Variants in PKD2L2 observed in about 807,000 individuals in gnomAD.
PKD2L2 encodes polycystin 2 like 2, transient receptor potential cation channel, also known as polycystin-2-like protein 2.
Under a neutral mutation model 83.9 loss-of-function variants are expected in PKD2L2, and 67 were observed. The observed-to-expected ratio is 0.80, with a 90% CI of 0.66 to 0.98. The LOEUF (loss-of-function observed/expected upper bound fraction) is 0.98. PKD2L2 is among the 50% of genes least tolerant of loss of function. The pLI is 0.00. For synonymous variants in PKD2L2, 223 were observed against 237.8 expected, an observed-to-expected ratio of 0.94 and a Z score of 0.57; for missense variants, 632 against 717.2, an observed-to-expected ratio of 0.88 and a Z score of 1.36.
chr5:137,926,332 T>C (rs1438245015), intron 12 of PKD2L2, among the ~76,000 whole-genome samples: 2 of 150,260 alleles, frequency 1.3e-5, no homozygotes, highest in African/African-American at 4.9e-5. Context: ...GGAACATATA[T>C]GTTCCTTAAA....
intron 12 of PKD2L2, among the ~76,000 whole-genome samples, chr5:137,928,539 C>T (rs1325108140): frequency 1.3e-5 from 2 of 152,318 alleles, no homozygotes; most frequent in East Asian, 3.9e-4. Flanking sequence ...TCAGGTGATC[C>T]TCCCACCTCA....
chr5:137,908,327 C>A (rs1262371564), intron 7 of PKD2L2, among the ~76,000 whole-genome samples: 1 of 151,992 alleles, frequency 6.6e-6, no homozygotes, highest in African/African-American at 2.4e-5. Context: ...GTGGCTCACG[C>A]CTGTAATCCC....
intron 12 of PKD2L2, among the ~76,000 whole-genome samples, chr5:137,929,235 G>A (rs138551319): frequency 0.014 from 2,118 of 152,168 alleles, 40 homozygotes; most frequent in African/African-American, 0.047. Flanking sequence ...GCTGAGGCGG[G>A]TGGATCACCT....
chr5:137,907,424 T>A (rs909154730), intron 6 of PKD2L2, among the ~76,000 whole-genome samples: 1 of 152,214 alleles, frequency 6.6e-6, no homozygotes, highest in Admixed American at 6.5e-5. Context: ...CTTTTAAGTA[T>A]TATGTAGAGC....
intron 14 of PKD2L2, among the ~76,000 whole-genome samples, chr5:137,941,451 T>TTG (rs2150104219): frequency 6.6e-6 from 1 of 152,308 alleles, no homozygotes; most frequent in South Asian, 2.1e-4. Context: ...AACTGTGCAT[T>TTG]ACCTAGTTAG....
intron 1 of PKD2L2, chr5:137,890,024 C>T (rs748423805): frequency 1.8e-4 from 29 of 160,782 alleles, no homozygotes; most frequent in Non-Finnish European, 3.2e-4. Flanking sequence ...GTGGCTCAAG[C>T]CTGTAATCCC....
chr5:137,907,101 T>C (rs887682870), intron 6 of PKD2L2, among the ~76,000 whole-genome samples: 1 of 152,192 alleles, frequency 6.6e-6, no homozygotes, highest in Non-Finnish European at 1.5e-5. Context: ...TGGCCCTTAA[T>C]TATAGCCAAT....
intron 8 of PKD2L2, among the ~76,000 whole-genome samples, chr5:137,912,741 T>C (rs1401735404): frequency 6.6e-6 from 1 of 152,030 alleles, no homozygotes; most frequent in African/African-American, 2.4e-5. Flanking sequence ...TGTGTCTTCT[T>C]TTGAGAAATG....
chr5:137,914,088 G>A (rs1168237113), intron 8 of PKD2L2, among the ~76,000 whole-genome samples: 8 of 127,164 alleles, frequency 6.3e-5, no homozygotes, highest in East Asian at 2.2e-4. Context: ...ACAAGGTTTC[G>A]CCATGTTGCC....
intron 12 of PKD2L2, among the ~76,000 whole-genome samples, chr5:137,929,594 T>C (rs900161334): frequency 4.6e-5 from 1 of 21,604 alleles, no homozygotes; most frequent in African/African-American, 2.1e-4. Flanking sequence ...AATATAAATA[T>C]AAAACAGTAT....
chr5:137,898,168 T>C (rs1756640583), intron 4 of PKD2L2, among the ~76,000 whole-genome samples: 1 of 152,060 alleles, frequency 6.6e-6, no homozygotes, highest in South Asian at 2.1e-4. Context: ...GGTTTCACCA[T>C]GTTGGCCAGG....
intron 8 of PKD2L2, among the ~76,000 whole-genome samples, chr5:137,916,998 T>A (rs549790839): frequency 2.0e-5 from 3 of 152,210 alleles, no homozygotes; most frequent in African/African-American, 7.2e-5. Flanking sequence ...TCCTTGGATG[T>A]TTAAATTCAT....
At chr5:137,909,313 G>A (rs1757616191) in intron 8 of PKD2L2, among the ~76,000 whole-genome samples, 1 of 152,024 alleles carries the variant, frequency 6.6e-6, no homozygotes, top group Non-Finnish European at 1.5e-5. Context: ...ACAGGCATGA[G>A]CCACCAGCCT....
chr5:137,936,931 C>G (rs922304117), intron 14 of PKD2L2, among the ~76,000 whole-genome samples: 3 of 152,320 alleles, frequency 2.0e-5, no homozygotes, highest in Admixed American at 2.0e-4. Context: ...TATACACACA[C>G]TGGTACAAAG....
intron 1 of PKD2L2, among the ~76,000 whole-genome samples, 158 bp downstream of exon 1, chr5:137,889,680 G>A (rs1220763875): frequency 1.3e-5 from 2 of 152,248 alleles, no homozygotes; most frequent in Non-Finnish European, 2.9e-5. Context: ...GGGACAGATG[G>A]TCCCATTGCA....
chr5:137,904,251 C>A (rs1206427209), intron 5 of PKD2L2, among the ~76,000 whole-genome samples: 1 of 152,114 alleles, frequency 6.6e-6, no homozygotes, highest in African/African-American at 2.4e-5. Context: ...AGGATTTGCT[C>A]TAGAATCAAA....
At chr5:137,898,096 A>G (rs1756632814) in intron 4 of PKD2L2, among the ~76,000 whole-genome samples, 1 of 151,850 alleles carries the variant, frequency 6.6e-6, no homozygotes, top group Non-Finnish European at 1.5e-5. Context: ...CCTCCCAAAT[A>G]GGTGGTATAA....
At chr5:137,927,917 C>A (rs886962594) in intron 12 of PKD2L2, among the ~76,000 whole-genome samples, 10 of 152,084 alleles carry the variant, frequency 6.6e-5, no homozygotes, top group African/African-American at 2.4e-4. Flanking sequence ...GTAATCCCAG[C>A]ACTTTGGGAG....
intron 1 of PKD2L2, chr5:137,890,269 T>C (rs1376949761): frequency 5.0e-6 from 2 of 402,126 alleles, no homozygotes; most frequent in Non-Finnish European, 8.9e-6. Context: ...GCGACAGAGC[T>C]AGACTCCGTC....
Sources: gnomAD v4.1 joint callset for allele counts (sites outside exome capture counted in the v4.1 genomes callset) on GRCh38, gnomAD v4.1.1 for gene constraint, MANE v1.5 for transcripts, NCBI Gene and HGNC (gene_info 2026-07-23, HGNC 2026-07-21) for gene names.